Variants in NRXN3 observed in about 807,000 individuals in gnomAD.
The protein encoded by NRXN3 is neurexin III.
Under a neutral mutation model 137.6 loss-of-function variants are expected in NRXN3, and 32 were observed. The observed-to-expected ratio is 0.23, with a 90% CI of 0.18 to 0.31. The LOEUF (loss-of-function observed/expected upper bound fraction) is 0.31, where lower values mean the gene tolerates loss of function less well. Ranked by LOEUF, NRXN3 falls within the 10% of genes least tolerant of loss-of-function variation. NRXN3 has a pLI of 1.00. For synonymous variants in NRXN3, 798 were observed against 784.5 expected (o/e 1.02, Z -0.29); for missense variants, 1,574 against 2,062.5 (o/e 0.76, Z 4.59).
At chr14:79,434,469 GGGTCAGGAAAGCAAAAAGGCCCAT>G (rs2095811987) in intron 15 of NRXN3, among the ~76,000 whole-genome samples, 1 of 152,214 alleles carries the variant, frequency 6.6e-6, no homozygotes, top group Non-Finnish European at 1.5e-5. Flanking sequence ...CTCTCAGAGT[GGGTCAGGAAAGCAAAAAGGCCCAT>G]GGCCGGAAAT....
chr14:78,840,227 C>T (rs1428770575), intron 10 of NRXN3, among the ~76,000 whole-genome samples: 1 of 152,098 alleles, frequency 6.6e-6, no homozygotes, highest in East Asian at 1.9e-4. Context: ...GTCAAAGAGG[C>T]ATTTATTAAA....
chr14:78,960,402 A>G (rs2099405825), intron 11 of NRXN3, among the ~76,000 whole-genome samples: 1 of 152,286 alleles, frequency 6.6e-6, no homozygotes, highest in African/African-American at 2.4e-5. Flanking sequence ...TTATTTAGTA[A>G]TCCCTTTAAT....
intron 15 of NRXN3, chr14:79,280,457 G>T: frequency 6.2e-7 from 1 of 1,613,954 alleles, no homozygotes; most frequent in Non-Finnish European, 8.5e-7. Context: ...CTCTCAGCAC[G>T]AGCACCATTT....
chr14:79,108,513 T>C (rs1194124225), intron 15 of NRXN3, among the ~76,000 whole-genome samples: 2 of 152,154 alleles, frequency 1.3e-5, no homozygotes, highest in South Asian at 2.1e-4. Context: ...TGTTATGTAA[T>C]AGCTATGAAG....
chr14:78,811,278 C>T (rs1409422672), intron 10 of NRXN3, among the ~76,000 whole-genome samples: 1 of 152,168 alleles, frequency 6.6e-6, no homozygotes, highest in African/African-American at 2.4e-5. Context: ...CCAGACAGCT[C>T]TCTTCAAAGA....
At chr14:78,371,961 T>G (rs2086910435) in intron 4 of NRXN3, among the ~76,000 whole-genome samples, 1 of 152,224 alleles carries the variant, frequency 6.6e-6, no homozygotes, top group Non-Finnish European at 1.5e-5. Flanking sequence ...GAGTGACTTG[T>G]CTACAAGTCA....
intron 16 of NRXN3, among the ~76,000 whole-genome samples, chr14:79,618,164 ATTAT>A (rs1013153095): frequency 3.3e-4 from 50 of 152,170 alleles, no homozygotes; most frequent in Middle Eastern, 3.4e-3. Context: ...CATAAGACTC[ATTAT>A]TTATTTATTA....
intron 4 of NRXN3, among the ~76,000 whole-genome samples, chr14:78,323,679 T>A (rs982042578): frequency 6.6e-6 from 1 of 152,020 alleles, no homozygotes; most frequent in African/African-American, 2.4e-5. Flanking sequence ...TCAGATCCTG[T>A]AGGCCCTCCC....
intron 17 of NRXN3, among the ~76,000 whole-genome samples, chr14:79,691,126 G>A (rs769180594): frequency 2.0e-5 from 3 of 152,032 alleles, no homozygotes; most frequent in Non-Finnish European, 2.9e-5. Context: ...CATTAAGGGT[G>A]TATCTCCACA....
chr14:78,466,518 G>C (rs1447362299), intron 4 of NRXN3, among the ~76,000 whole-genome samples: 1 of 152,204 alleles, frequency 6.6e-6, no homozygotes, highest in Admixed American at 6.5e-5. Flanking sequence ...ACTAGAGTGT[G>C]GGCTAAAAGA....
In NRXN3 at chr14:78,234,994, T is replaced by TTATATATATATA. The variant is rs57469863; in HGVS notation, c.-703-7379_-703-7368dup. Among the ~76,000 whole-genome samples, 170 of 108,786 alleles carry TTATATATATATA rather than the reference T, an allele frequency of 1.6e-3. 4 individuals are homozygous for TTATATATATATA. Among genetic ancestry groups the TTATATATATATA allele is most frequent in the African/African-American group, 2.5e-3 (77 of 30,494 alleles). 71.4% of individuals were successfully genotyped at this position (108,786 alleles called of 152,430 possible). On this transcript the variant is annotated intron_variant, in intron 1 of 20. Coordinates refer to ENST00000335750, the MANE Select transcript of NRXN3 (RefSeq NM_001330195.2). Reference sequence around the variant, plus strand: ...GATTATCTGGCAGCCACAAATGCTTTTATATATATATATATATATATATAT... The same window carrying TTATATATATATA: ...GATTATCTGGCAGCCACAAATGCTTTTATATATATATATATATATATATATATATATATATAT...
Position 79,755,948 on chromosome 14 carries a change from G to A in NRXN3, c.4015-49164G>A, listed in dbSNP as rs567313387. Among the ~76,000 whole-genome samples the A allele has an allele frequency of 9.8e-4, 149 of 152,022 alleles. 1 individual carries two copies. Among genetic ancestry groups the A allele is most frequent in the African/African-American group, 3.4e-3 (143 of 41,454 alleles). Reference sequence around the variant, plus strand: ...TTTGTATAGTTATCTTTAAACAATGGTCAGTCCCCACTCTTATAATTGAAA... The same window carrying A: ...TTTGTATAGTTATCTTTAAACAATGATCAGTCCCCACTCTTATAATTGAAA... On this transcript the variant is annotated intron_variant, in intron 19 of 20. Transcript: ENST00000335750.
chr14:79,763,570 T>C (rs2099046154), intron 19 of NRXN3, among the ~76,000 whole-genome samples: 1 of 151,566 alleles, frequency 6.6e-6, no homozygotes, highest in South Asian at 2.1e-4. Flanking sequence ...TTAGGTACAT[T>C]ATAAACAACA....
Position 78,451,029 on chromosome 14 carries a change from A to G in NRXN3, c.757+153169A>G, listed in dbSNP as rs543328319. On this transcript the variant is annotated intron_variant, in intron 4 of 20. Transcript: ENST00000335750. ...TTGCATCAGAATAAGGAATGAGGGC[A>G]GAGATGGGGAAGGATGGGGTTGTGC... is the stretch of plus-strand genomic sequence containing the variant. 7.2e-5 allele frequency among the ~76,000 whole-genome samples: 11 copies of G among 152,234 alleles called. 1 individual carries two copies. In the South Asian group the frequency reaches 2.3e-3, roughly 32 times the overall value.
intron 10 of NRXN3, among the ~76,000 whole-genome samples, chr14:78,847,340 C>A (rs898894762): frequency 8.5e-5 from 13 of 152,102 alleles, no homozygotes; most frequent in African/African-American, 3.1e-4. Context: ...ATAATAAAGT[C>A]ATTAAGTTTC....
chr14:78,810,420 A>ATGAGCTG (rs1209938059), intron 10 of NRXN3, 76 bp downstream of exon 10: 6 of 670,780 alleles, frequency 8.9e-6, no homozygotes, highest in Middle Eastern at 3.8e-4. Context: ...TTACTGTTTT[A>ATGAGCTG]TGAGCTGTTT....
intron 15 of NRXN3, among the ~76,000 whole-genome samples, chr14:79,419,596 T>C (rs774642496): frequency 6.6e-6 from 1 of 151,664 alleles, no homozygotes; most frequent in Non-Finnish European, 1.5e-5. Flanking sequence ...TGCTGCCACA[T>C]TTAAAGAGGG....
intron 4 of NRXN3, among the ~76,000 whole-genome samples, chr14:78,410,701 C>A (rs2092775378): frequency 6.6e-6 from 1 of 152,160 alleles, no homozygotes; most frequent in African/African-American, 2.4e-5. Context: ...GATGAAAAAA[C>A]CTCCTTAGTT....
intron 15 of NRXN3, among the ~76,000 whole-genome samples, chr14:79,030,230 G>C (rs1243322174): frequency 6.6e-6 from 1 of 151,712 alleles, no homozygotes; most frequent in Non-Finnish European, 1.5e-5. Context: ...GTAGATGCCA[G>C]TAGTAGCCCC....
Sources: gnomAD v4.1 joint callset for allele counts (sites outside exome capture counted in the v4.1 genomes callset) on GRCh38, gnomAD v4.1.1 for gene constraint, MANE v1.5 for transcripts, NCBI Gene and HGNC (gene_info 2026-07-23, HGNC 2026-07-21) for gene names.